The following KCNH8 variants were observed in gnomAD, a reference collection of about 807,000 sequenced individuals.
The protein encoded by KCNH8 is voltage-gated delayed rectifier potassium channel KCNH8.
Under a neutral mutation model 103.6 loss-of-function variants are expected in KCNH8, and 70 were observed. That is an observed-to-expected ratio of 0.68 (90% CI 0.56 to 0.82). The LOEUF (loss-of-function observed/expected upper bound fraction) is 0.82. Ranked by LOEUF, KCNH8 falls within the 40% of genes least tolerant of loss-of-function variation. The probability of loss-of-function intolerance (pLI) is 0.00; values close to 1 mark genes in which losing one functional copy is unlikely to be tolerated. For synonymous variants in KCNH8, 498 were observed against 489.4 expected (o/e 1.02, Z -0.23); for missense variants, 1,217 against 1,329.9 (o/e 0.92, Z 1.32).
intron 11 of KCNH8, among the ~76,000 whole-genome samples, chr3:19,468,202 T>C (rs2067782911): frequency 6.6e-6 from 1 of 152,242 alleles, no homozygotes; most frequent in South Asian, 2.1e-4. Flanking sequence ...ATGAAACCTT[T>C]GTCTTGTTCT....
chr3:19,171,420 G>A (rs1222882279), intron 1 of KCNH8, among the ~76,000 whole-genome samples: 1 of 151,884 alleles, frequency 6.6e-6, no homozygotes, highest in Non-Finnish European at 1.5e-5. Context: ...AGTGACTAGA[G>A]GTATAAAAAC....
chr3:19,304,327 G>A (rs757703749), intron 3 of KCNH8, among the ~76,000 whole-genome samples: 6 of 152,076 alleles, frequency 3.9e-5, no homozygotes, highest in Admixed American at 6.6e-5. Flanking sequence ...AATATGAGCA[G>A]ATGTGAAAAA....
intron 7 of KCNH8, among the ~76,000 whole-genome samples, chr3:19,422,032 G>C (rs1015761332): frequency 6.6e-6 from 1 of 152,062 alleles, no homozygotes; most frequent in East Asian, 1.9e-4. Flanking sequence ...CAAAGAACAT[G>C]AGATAGTACA....
intron 2 of KCNH8, among the ~76,000 whole-genome samples, chr3:19,258,945 C>A (rs369057845): frequency 0.093 from 3,779 of 40,692 alleles, 106 homozygotes; most frequent in African/African-American, 0.14. Context: ...CTCTCTCTCT[C>A]TCTATATATA....
intron 11 of KCNH8, among the ~76,000 whole-genome samples, chr3:19,476,639 A>G (rs2067982345): frequency 6.6e-6 from 1 of 152,168 alleles, no homozygotes; most frequent in Non-Finnish European, 1.5e-5. Flanking sequence ...GAATTCCCAA[A>G]TCATTGATTT....
In KCNH8 at chr3:19,386,052, TATTAA is replaced by T. The variant is rs2066351854; in HGVS notation, c.812-4425_812-4421del. ...AAAAGAAATCTACTAATTTTTGCCA[TATTAA>T]ATTTAACCTCTTTTTTTGTGCTTTC... On this transcript the variant is annotated intron_variant, in intron 5 of 15. Coordinates refer to ENST00000328405, the MANE Select transcript of KCNH8 (RefSeq NM_144633.3). Among the ~76,000 whole-genome samples, 4 of 152,158 alleles carry T rather than the reference TATTAA, an allele frequency of 2.6e-5. No homozygotes were observed. In the South Asian group the frequency reaches 8.3e-4, roughly 31 times the overall value.
chr3:19,510,251 T>G (rs1308406697), intron 11 of KCNH8, 112 bp from the exon 12 acceptor site: 5 of 710,554 alleles, frequency 7.0e-6, no homozygotes, highest in Non-Finnish European at 1.3e-5. Flanking sequence ...CCTGTGCTCC[T>G]TCCCTCCCAC....
chr3:19,527,836 A>C (rs2069091876), intron 15 of KCNH8, among the ~76,000 whole-genome samples: 1 of 152,128 alleles, frequency 6.6e-6, no homozygotes, highest in Admixed American at 6.6e-5. Flanking sequence ...TGTGTGGTTA[A>C]TGCATGATGC....
intron 15 of KCNH8, among the ~76,000 whole-genome samples, chr3:19,527,395 C>T (rs1042294479): frequency 1.3e-5 from 2 of 152,012 alleles, no homozygotes; most frequent in African/African-American, 4.8e-5. Flanking sequence ...GTGCCTGTGT[C>T]ACAAATCCAC....
chr3:19,491,182 A>C (rs948611843), intron 11 of KCNH8, among the ~76,000 whole-genome samples: 5 of 152,142 alleles, frequency 3.3e-5, no homozygotes, highest in Admixed American at 2.0e-4. Flanking sequence ...TGAATGGAGT[A>C]CACTTGATTA....
At chr3:19,495,229 G>A (rs367824842) in intron 11 of KCNH8, among the ~76,000 whole-genome samples, 10 of 152,134 alleles carry the variant, frequency 6.6e-5, no homozygotes, top group East Asian at 5.8e-4. Flanking sequence ...TTTTGCCTTT[G>A]TTGCAATTGC....
chr3:19,165,927 T>C (rs1268308768), intron 1 of KCNH8, among the ~76,000 whole-genome samples: 1 of 152,174 alleles, frequency 6.6e-6, no homozygotes, highest in Non-Finnish European at 1.5e-5. Flanking sequence ...AGCGTGATCC[T>C]GTCAGCAGAA....
rs917017123 is a variant in KCNH8, at chr3:19,499,913, T to A, written c.2041-10450T>A. Reference sequence around the variant, plus strand: ...GCAAAATAACCAGCTAACATCATAATGACAGGATCAAATTCACACATAACA... The same window carrying A: ...GCAAAATAACCAGCTAACATCATAAAGACAGGATCAAATTCACACATAACA... On this transcript the variant is annotated intron_variant, in intron 11 of 15. Coordinates refer to ENST00000328405, the MANE Select transcript of KCNH8 (RefSeq NM_144633.3). Among the ~76,000 whole-genome samples the A allele has an allele frequency of 5.3e-5, 8 of 152,226 alleles. No individual in the cohort carries two copies. The South Asian group carries it at 6.2e-4, about 12-fold the overall frequency.
At chr3:19,406,647 G>A (rs981421056) in intron 7 of KCNH8, among the ~76,000 whole-genome samples, 4 of 151,988 alleles carry the variant, frequency 2.6e-5, no homozygotes, top group Admixed American at 2.6e-4. Context: ...ATAACCTTAT[G>A]CAACTGAGTT....
At chr3:19,256,658 G>A (rs2064350393) in intron 2 of KCNH8, among the ~76,000 whole-genome samples, 1 of 152,008 alleles carries the variant, frequency 6.6e-6, no homozygotes, top group Non-Finnish European at 1.5e-5. Context: ...CCGAATCTAG[G>A]TGTCAGGACC....
chr3:19,485,627 C>A (rs897438452), intron 11 of KCNH8, among the ~76,000 whole-genome samples: 4 of 152,192 alleles, frequency 2.6e-5, no homozygotes, highest in Admixed American at 6.5e-5. Context: ...TGCCCCCTTT[C>A]TGCATGGAAA....
intron 11 of KCNH8, among the ~76,000 whole-genome samples, chr3:19,482,531 T>C (rs1177746509): frequency 6.6e-6 from 1 of 152,218 alleles, no homozygotes; most frequent in Non-Finnish European, 1.5e-5. Context: ...GCAGTGAAGC[T>C]TTTTATCATT....
At chr3:19,361,271 A>G (rs939278650) in intron 5 of KCNH8, among the ~76,000 whole-genome samples, 1 of 152,012 alleles carries the variant, frequency 6.6e-6, no homozygotes, top group African/African-American at 2.4e-5. Context: ...TCTCTCATGT[A>G]TTTCTTCATT....
At chr3:19,483,232 G>A (rs1057155651) in intron 11 of KCNH8, among the ~76,000 whole-genome samples, 2 of 152,082 alleles carry the variant, frequency 1.3e-5, no homozygotes, top group Admixed American at 6.5e-5. Context: ...TCCAGTGGGG[G>A]CTGTCCAGTC....
Sources: gnomAD v4.1 joint callset for allele counts (sites outside exome capture counted in the v4.1 genomes callset) on GRCh38, gnomAD v4.1.1 for gene constraint, MANE v1.5 for transcripts, NCBI Gene and HGNC (gene_info 2026-07-23, HGNC 2026-07-21) for gene names.